The following THOC2 variants were observed in gnomAD, a reference collection of about 807,000 sequenced individuals.
THOC2 encodes THO complex 2.
A neutral mutation model predicts 128.4 loss-of-function variants in THOC2; 10 were observed. The observed-to-expected ratio is 0.08, with a 90% CI of 0.05 to 0.13. The LOEUF is 0.13. THOC2 is among the 10% of genes least tolerant of loss of function. THOC2 has a pLI of 1.00. For synonymous variants in THOC2, 393 were observed against 396.9 expected (o/e 0.99, Z 0.12); for missense variants, 535 against 1,155.7 (o/e 0.46, Z 7.79).
At chrX:123,712,982 C>T (rs2051254305) in intron 1 of THOC2, 74 bp from the exon 2 acceptor site, 1 of 715,239 alleles carries the variant, frequency 1.4e-6, no homozygotes. Flanking sequence ...CAAATTATAT[C>T]AACTGGCAAG....
chrX:123,689,567 CA>C (rs1223307230), intron 7 of THOC2, among the ~76,000 whole-genome samples: 2 of 110,817 alleles, frequency 1.8e-5, no homozygotes, highest in Non-Finnish European at 3.8e-5. Context: ...GCCAGGACTA[CA>C]GATGCAAACC....
chrX:123,626,309 A>G (rs1031805374), intron 24 of THOC2, among the ~76,000 whole-genome samples: 5 of 112,191 alleles, frequency 4.5e-5, no homozygotes, highest in African/African-American at 1.6e-4. Flanking sequence ...AGCTGCCAAT[A>G]TGTAGTTAAA....
intron 2 of THOC2, 106 bp from the exon 3 acceptor site, chrX:123,707,055 AAATAT>A (rs2050963864): frequency 2.9e-6 from 1 of 341,836 alleles, no homozygotes; most frequent in Non-Finnish European, 4.9e-6. Context: ...CAATAATGAA[AAATAT>A]AATTCTAATG....
At position 123,698,974 on chromosome X, in the gene THOC2, T is replaced by A. The variant is rs184748787; in HGVS notation, c.275-1223A>T. On this transcript the variant is annotated intron_variant, in intron 4 of 38. Transcript: ENST00000245838. ...TCTTCCTACTGAAATATTTAAAAAC[T>A]GAGAGTTTCAGTAAATTATTCAGAA... 2.7e-5 allele frequency among the ~76,000 whole-genome samples: 3 copies of A among 111,242 alleles called. No individual in the cohort carries two copies. In the East Asian group the frequency reaches 8.4e-4, roughly 31 times the overall value.
chrX:123,619,606 G>T, intron 32 of THOC2, 170 bp from the exon 33 acceptor site: 1 of 448,164 alleles, frequency 2.2e-6, no homozygotes, highest in Non-Finnish European at 3.8e-6. Context: ...AACATGTAAT[G>T]GAATTGGAAT....
At chrX:123,663,465 G>A (rs935943445) in intron 12 of THOC2, among the ~76,000 whole-genome samples, 2 of 109,795 alleles carry the variant, frequency 1.8e-5, no homozygotes, top group Non-Finnish European at 3.8e-5. Context: ...ACATACAACT[G>A]TATGCATTTG....
In THOC2 at chrX:123,625,999, T is replaced by G. The variant is rs2147609951; in HGVS notation, c.2970A>C (p.Ala990=). Residue 990 remains alanine (A), a synonymous_variant, in exon 25 of 39, where the codon GCA becomes GCC. Coordinates refer to ENST00000245838, the MANE Select transcript of THOC2 (RefSeq NM_001081550.2). ...LCIFPRCIFS[A]IDAVYCARFV... ...AACGAGCACAGTAAACAGCATCAATTGCTGAAAAAATACATCGAGGAAATA... is the reference window on the plus strand; with the variant it reads ...AACGAGCACAGTAAACAGCATCAATGGCTGAAAAAATACATCGAGGAAATA... 8.3e-7 allele frequency: 1 copy of G among 1,206,017 alleles called. No homozygotes were observed. Among genetic ancestry groups the G allele is most frequent in the East Asian group, 3.0e-5 (1 of 33,751 alleles).
chrX:123,687,631 A>C (rs1215180723), intron 7 of THOC2, among the ~76,000 whole-genome samples: 2 of 111,977 alleles, frequency 1.8e-5, no homozygotes, highest in Non-Finnish European at 3.8e-5. Flanking sequence ...CCCTTTGGTA[A>C]GATGATATCT....
chrX:123,616,157 T>G (rs2147560696), intron 33 of THOC2, among the ~76,000 whole-genome samples: 1 of 111,366 alleles, frequency 9.0e-6, no homozygotes, highest in Admixed American at 9.5e-5. Context: ...CAACCATCCC[T>G]CAACTCTGCA....
At chrX:123,653,376 T>C (rs1248687658) in intron 12 of THOC2, among the ~76,000 whole-genome samples, 1 of 111,974 alleles carries the variant, frequency 8.9e-6, no homozygotes, top group Non-Finnish European at 1.9e-5. Flanking sequence ...AAAGACTTCA[T>C]GACTAAAACA....
chrX:123,723,532 T>C (rs755409359), intron 1 of THOC2, among the ~76,000 whole-genome samples: 14 of 111,502 alleles, frequency 1.3e-4, no homozygotes, highest in Non-Finnish European at 2.1e-4. Context: ...AACAAAAATG[T>C]TTAACAAGAC....
At chrX:123,638,636 G>C (rs1176842626) in intron 17 of THOC2, among the ~76,000 whole-genome samples, 1 of 109,348 alleles carries the variant, frequency 9.1e-6, no homozygotes, top group Non-Finnish European at 1.9e-5. Flanking sequence ...TCCAGCCTGG[G>C]AGACAGAGCA....
At chrX:123,667,963 A>T (rs1466674109) in intron 10 of THOC2, among the ~76,000 whole-genome samples, 196 bp downstream of exon 10, 1 of 111,470 alleles carries the variant, frequency 9.0e-6, no homozygotes, top group Non-Finnish European at 1.9e-5. Context: ...ATACAAGAAA[A>T]AAAATATGAC....
chrX:123,647,125 T>A (rs1003858839), intron 12 of THOC2, among the ~76,000 whole-genome samples: 4 of 111,584 alleles, frequency 3.6e-5, no homozygotes, highest in African/African-American at 1.3e-4. Flanking sequence ...CTAGATTTCA[T>A]TAAGCAGGAA....
At chrX:123,702,902 T>C (rs1215275491) in intron 4 of THOC2, among the ~76,000 whole-genome samples, 3 of 111,237 alleles carry the variant, frequency 2.7e-5, no homozygotes, top group Non-Finnish European at 3.8e-5. Flanking sequence ...GGATACTACA[T>C]TTCATTCTAA....
At chrX:123,692,178 G>C (rs1408047691) in intron 7 of THOC2, among the ~76,000 whole-genome samples, 1 of 111,690 alleles carries the variant, frequency 9.0e-6, no homozygotes, top group Non-Finnish European at 1.9e-5. Context: ...CAAAAGAGTA[G>C]AGTTCTTACC....
intron 12 of THOC2, among the ~76,000 whole-genome samples, chrX:123,658,797 C>A (rs1476932422): frequency 9.0e-6 from 1 of 111,404 alleles, no homozygotes; most frequent in East Asian, 2.8e-4. Flanking sequence ...CAAAGCAAAT[C>A]CTGATGTAAA....
rs189958657 is a variant in THOC2, at chrX:123,633,814, G to A, written c.2136+139C>T. ...ACTGTATCTCAATTTCAAAAGGGGG[G>A]CAGGGGTGGTTGTGAAAGGAAGGTA... is the stretch of plus-strand genomic sequence containing the variant. On this transcript the variant is annotated intron_variant, in intron 20 of 38. Coordinates refer to ENST00000245838, the MANE Select transcript of THOC2 (RefSeq NM_001081550.2). 8.1e-4 allele frequency: 327 copies of A among 401,859 alleles called. 1 individual carries two copies. The highest frequency in any genetic ancestry group is 1.9e-3 in the African/African-American group (73 of 38,979). 33.1% of individuals were successfully genotyped at this position (401,859 alleles called of 1,213,427 possible).
intron 4 of THOC2, among the ~76,000 whole-genome samples, chrX:123,703,111 C>G (rs2050772322): frequency 8.9e-6 from 1 of 111,850 alleles, no homozygotes; most frequent in South Asian, 3.7e-4. Context: ...AGTCCTAAGT[C>G]TGAGATTCTG....
Sources: gnomAD v4.1 joint callset for allele counts (sites outside exome capture counted in the v4.1 genomes callset) on GRCh38, gnomAD v4.1.1 for gene constraint, MANE v1.5 for transcripts, NCBI Gene and HGNC (gene_info 2026-07-23, HGNC 2026-07-21) for gene names.